The following B3GALT1 variants were observed in gnomAD, a reference collection of about 807,000 sequenced individuals.
The protein encoded by B3GALT1 is UDP-Gal:betaGlcNAc beta 1,3-galactosyltransferase, polypeptide 1.
A neutral mutation model predicts 23.2 loss-of-function variants in B3GALT1; 10 were observed. The observed-to-expected ratio is 0.43, with a 90% CI of 0.27 to 0.73. The LOEUF (loss-of-function observed/expected upper bound fraction) is 0.73, where lower values mean the gene tolerates loss of function less well. B3GALT1 is among the 30% of genes least tolerant of loss of function. B3GALT1 has a pLI of 0.21. For synonymous variants in B3GALT1, 156 were observed against 141.5 expected (o/e 1.10, Z -0.73); for missense variants, 299 against 405.4 (o/e 0.74, Z 2.25).
At chr2:167,459,227 T>G (rs1699219480) in intron 1 of B3GALT1, among the ~76,000 whole-genome samples, 1 of 152,176 alleles carries the variant, frequency 6.6e-6, no homozygotes, top group South Asian at 2.1e-4. Flanking sequence ...TTAGTTGATT[T>G]TTTGTAGTGA....
intron 3 of B3GALT1, among the ~76,000 whole-genome samples, chr2:167,735,598 A>C (rs1319034372): frequency 6.6e-6 from 1 of 152,234 alleles, no homozygotes; most frequent in African/African-American, 2.4e-5. Flanking sequence ...TCTCTTCTGC[A>C]TATATTCCTA....
chr2:167,602,561 G>A (rs1684895431), intron 2 of B3GALT1, among the ~76,000 whole-genome samples: 1 of 152,098 alleles, frequency 6.6e-6, no homozygotes, highest in South Asian at 2.1e-4. Flanking sequence ...ACTCCAGCAA[G>A]CAGAGAGTAG....
intron 3 of B3GALT1, among the ~76,000 whole-genome samples, chr2:167,736,400 A>G (rs6730014): frequency 0.15 from 23,250 of 152,206 alleles, 2,118 homozygotes; most frequent in Non-Finnish European, 0.21. Flanking sequence ...ATCACTATAG[A>G]ACATGTAGGA....
At chr2:167,397,419 A>G (rs1286897058) in intron 1 of B3GALT1, among the ~76,000 whole-genome samples, 45 of 152,082 alleles carry the variant, frequency 3.0e-4, no homozygotes, top group Admixed American at 3.0e-3. Context: ...AAATCTTTGA[A>G]AAAGTGAAAG....
intron 4 of B3GALT1, among the ~76,000 whole-genome samples, chr2:167,855,274 G>A (rs1194973999): frequency 3.3e-5 from 5 of 152,154 alleles, no homozygotes; most frequent in Non-Finnish European, 5.9e-5. Flanking sequence ...TGTAAAAAGT[G>A]AGATGCAGAA....
chr2:167,757,176 GGT>G (rs1687831572), intron 3 of B3GALT1, among the ~76,000 whole-genome samples: 1 of 152,102 alleles, frequency 6.6e-6, no homozygotes, highest in African/African-American at 2.4e-5. Flanking sequence ...GCATTCACCA[GGT>G]GTAAGCAGTT....
chr2:167,481,919 T>A (rs1386483362), intron 1 of B3GALT1, among the ~76,000 whole-genome samples: 1 of 152,206 alleles, frequency 6.6e-6, no homozygotes, highest in Admixed American at 6.5e-5. Context: ...TTTAAAATCC[T>A]TTTTTTGAAG....
At chr2:167,374,508 C>T (rs560624326) in intron 1 of B3GALT1, among the ~76,000 whole-genome samples, 30 of 152,252 alleles carry the variant, frequency 2.0e-4, no homozygotes, top group African/African-American at 7.2e-4. Context: ...CTTTTCTCTA[C>T]AGTTATCACC....
At chr2:167,797,229 T>C (rs1276126709) in intron 3 of B3GALT1, among the ~76,000 whole-genome samples, 1 of 152,226 alleles carries the variant, frequency 6.6e-6, no homozygotes, top group African/African-American at 2.4e-5. Flanking sequence ...TATGCGTTAT[T>C]TGGTTTTCTG....
intron 2 of B3GALT1, among the ~76,000 whole-genome samples, chr2:167,547,055 G>C (rs1019984954): frequency 6.6e-6 from 1 of 152,170 alleles, no homozygotes; most frequent in Non-Finnish European, 1.5e-5. Context: ...CACTAGCTCA[G>C]AAAGCTGAGC....
chr2:167,593,720 C>T (rs116592686), intron 2 of B3GALT1, among the ~76,000 whole-genome samples: 154 of 152,294 alleles, frequency 1.0e-3, no homozygotes, highest in African/African-American at 3.5e-3. Context: ...GGGTGAGGAA[C>T]AAGGGCAGCC....
chr2:167,409,892 A>C (rs1240412894), intron 1 of B3GALT1, among the ~76,000 whole-genome samples: 1 of 152,170 alleles, frequency 6.6e-6, no homozygotes, highest in Non-Finnish European at 1.5e-5. Context: ...ATCTAGAACC[A>C]GAAATACCAT....
At chr2:167,516,404 C>T (rs1474121910) in intron 2 of B3GALT1, among the ~76,000 whole-genome samples, 1 of 151,932 alleles carries the variant, frequency 6.6e-6, no homozygotes, top group Admixed American at 6.6e-5. Flanking sequence ...TTTATTTCTT[C>T]TATATCATCC....
intron 4 of B3GALT1, among the ~76,000 whole-genome samples, chr2:167,825,798 C>T (rs1689210695): frequency 1.3e-5 from 2 of 152,170 alleles, no homozygotes; most frequent in Admixed American, 1.3e-4. Context: ...CCCTTGGCTC[C>T]ACTCTTCTAT....
intron 1 of B3GALT1, among the ~76,000 whole-genome samples, chr2:167,459,909 C>T (rs1358216422): frequency 2.6e-5 from 4 of 152,032 alleles, no homozygotes; most frequent in African/African-American, 9.7e-5. Context: ...TTTGTTGTTT[C>T]ATTTTAGCCC....
chr2:167,826,633 G>C (rs1689235262), intron 4 of B3GALT1, among the ~76,000 whole-genome samples: 1 of 152,146 alleles, frequency 6.6e-6, no homozygotes, highest in Non-Finnish European at 1.5e-5. Flanking sequence ...TCAAAGATGG[G>C]GTGAGAGTCA....
intron 3 of B3GALT1, among the ~76,000 whole-genome samples, chr2:167,725,709 C>A (rs1687301188): frequency 6.6e-6 from 1 of 152,004 alleles, no homozygotes; most frequent in South Asian, 2.1e-4. Context: ...ACCCGAAAAC[C>A]CTCTTCCACA....
At chr2:167,840,315 A>C (rs967466594) in intron 4 of B3GALT1, among the ~76,000 whole-genome samples, 1 of 152,128 alleles carries the variant, frequency 6.6e-6, no homozygotes, top group African/African-American at 2.4e-5. Context: ...TCTACAATGA[A>C]CTCAAACAAA....
intron 3 of B3GALT1, among the ~76,000 whole-genome samples, chr2:167,650,708 G>T (rs1016086936): frequency 1.5e-4 from 23 of 151,996 alleles, no homozygotes; most frequent in Non-Finnish European, 2.6e-4. Flanking sequence ...TTATAGGTCT[G>T]CTCAGATTTT....
Sources: gnomAD v4.1 joint callset for allele counts (sites outside exome capture counted in the v4.1 genomes callset) on GRCh38, gnomAD v4.1.1 for gene constraint, MANE v1.5 for transcripts, NCBI Gene and HGNC (gene_info 2026-07-23, HGNC 2026-07-21) for gene names.